The following TMEM200A variants were observed in gnomAD, a reference collection of about 807,000 sequenced individuals.
The protein encoded by TMEM200A is transmembrane protein 200A.
TMEM200A carries 12 observed loss-of-function variants against 24.3 expected under a neutral mutation model. The ratio of observed to expected loss-of-function variants is 0.49; its 90% confidence interval spans 0.32 to 0.80. The LOEUF (loss-of-function observed/expected upper bound fraction) is 0.80, where lower values mean the gene tolerates loss of function less well. TMEM200A is among the 30% of genes least tolerant of loss of function. The pLI is 0.04. For synonymous variants in TMEM200A, 224 were observed against 224.4 expected (o/e 1.00, Z 0.02); for missense variants, 545 against 614.4 (o/e 0.89, Z 1.19).
intron 1 of TMEM200A, among the ~76,000 whole-genome samples, chr6:130,370,225 A>G (rs779800180): frequency 6.6e-5 from 10 of 152,178 alleles, no homozygotes; most frequent in African/African-American, 1.4e-4. Context: ...CTTTTCATCT[A>G]TGAGAAAAAG....
intron 1 of TMEM200A, among the ~76,000 whole-genome samples, chr6:130,378,081 G>A (rs1319661704): frequency 3.9e-5 from 6 of 152,162 alleles, no homozygotes; most frequent in African/African-American, 1.4e-4. Context: ...AGTAGCATTA[G>A]CATAGAGGCC....
rs182088199 is a variant in TMEM200A at position 130,440,459 on chromosome 6, G to A, written c.37G>A (p.Ala13Thr). 50 of 1,601,152 alleles carry A rather than the reference G, an allele frequency of 3.1e-5. No homozygotes were observed. Among genetic ancestry groups the A allele is most frequent in the African/African-American group, 2.7e-5 (2 of 74,276 alleles). The change falls in exon 3 of 3, where the codon GCC becomes ACC. Residue 13 changes from alanine to threonine, a missense_variant. Ala to Thr is a moderately conservative substitution (Grantham distance 58). Transcript: ENST00000296978. ...ATGGVITGLAALKRQDSARSQ... is the reference protein window; with the variant it reads ...ATGGVITGLATLKRQDSARSQ... ...TGGTGGAGTGATAACTGGCCTGGCC[G>A]CCTTGAAAAGGCAAGACTCTGCCAG...
chr6:130,381,178 T>A (rs909073283), intron 1 of TMEM200A, among the ~76,000 whole-genome samples: 1 of 152,154 alleles, frequency 6.6e-6, no homozygotes, highest in Non-Finnish European at 1.5e-5. Flanking sequence ...ATAAGAAGCC[T>A]CCAGTCAGTC....
rs745490741 is a variant in TMEM200A at position 130,366,388 on chromosome 6, C to G, written c.-217C>G. 243 of 985,270 alleles carry G rather than the reference C, an allele frequency of 2.5e-4. No individual in the cohort carries two copies. Among genetic ancestry groups the G allele is most frequent in the Non-Finnish European group, 2.4e-4 (201 of 830,066 alleles). The allele number at this position is 985,270 out of a possible 1,614,324, so 61.0% of individuals were successfully genotyped here. ...GCGGCTGCCCGCGGCGGCCGAGATTCCCGCTGACGCCCCCGACCCTGCCGC... is the reference window on the plus strand; with the variant it reads ...GCGGCTGCCCGCGGCGGCCGAGATTGCCGCTGACGCCCCCGACCCTGCCGC... On this transcript the variant is annotated 5_prime_UTR_variant, in exon 1 of 3. Transcript: ENST00000296978. The surrounding 1 kb of genome is among the most constrained non-coding windows in gnomAD (Gnocchi z 4.4).
intron 2 of TMEM200A, among the ~76,000 whole-genome samples, chr6:130,426,104 G>T (rs964330577): frequency 6.6e-6 from 1 of 152,240 alleles, no homozygotes; most frequent in Admixed American, 6.5e-5. Context: ...TAAGCCCCAG[G>T]GATTGTAATG....
chr6:130,416,223 A>G (rs1162767998), intron 2 of TMEM200A, among the ~76,000 whole-genome samples: 3 of 152,132 alleles, frequency 2.0e-5, no homozygotes, highest in Non-Finnish European at 2.9e-5. Flanking sequence ...CAGAGATTGT[A>G]TTTCACTAAG....
intron 1 of TMEM200A, among the ~76,000 whole-genome samples, chr6:130,376,456 T>C (rs1198798246): frequency 6.6e-6 from 1 of 152,098 alleles, no homozygotes. Flanking sequence ...CTAATTTTTG[T>C]ATTTTTAGTA....
At chr6:130,401,873 CT>C (rs1319434971) in intron 2 of TMEM200A, among the ~76,000 whole-genome samples, 2 of 151,570 alleles carry the variant, frequency 1.3e-5, no homozygotes, top group Non-Finnish European at 3.0e-5. Context: ...CAGTTTTTCT[CT>C]TTTGTAAATT....
At chr6:130,439,763 C>T (rs1780106961) in intron 2 of TMEM200A, among the ~76,000 whole-genome samples, 1 of 151,940 alleles carries the variant, frequency 6.6e-6, no homozygotes, top group African/African-American at 2.4e-5. Flanking sequence ...TCATAAAAGA[C>T]TGGGGAAGAG....
chr6:130,403,058 T>C (rs1479445442), intron 2 of TMEM200A, among the ~76,000 whole-genome samples: 1 of 152,132 alleles, frequency 6.6e-6, no homozygotes, highest in Non-Finnish European at 1.5e-5. Flanking sequence ...CATCCCTGGC[T>C]GTCCTGCTTC....
intron 2 of TMEM200A, among the ~76,000 whole-genome samples, chr6:130,427,848 C>CTTCTGTGAATCAACTATCAAAG (rs1318656609): frequency 1.3e-5 from 2 of 150,418 alleles, no homozygotes; most frequent in Non-Finnish European, 3.0e-5. Context: ...CTGTTTTTTT[C>CTTCTGTGAATCAACTATCAAAG]TTCTGTGAAT....
At chr6:130,402,669 A>T (rs1779116652) in intron 2 of TMEM200A, among the ~76,000 whole-genome samples, 1 of 152,110 alleles carries the variant, frequency 6.6e-6, no homozygotes, top group Non-Finnish European at 1.5e-5. Flanking sequence ...AGAAGAATAT[A>T]ATGTGTGCAG....
chr6:130,373,093 A>G (rs1279483126), intron 1 of TMEM200A, among the ~76,000 whole-genome samples: 1 of 152,204 alleles, frequency 6.6e-6, no homozygotes, highest in Non-Finnish European at 1.5e-5. Flanking sequence ...TTGAGAATCA[A>G]CATCTTTGGG....
At position 130,376,718 on chromosome 6, in the gene TMEM200A, G is replaced by A. The variant is rs181993691; in HGVS notation, c.-80-8455G>A. On this transcript the variant is annotated intron_variant, in intron 1 of 2. Transcript: ENST00000296978. ...TTCAAAATGCTAAAATTGAAATATT[G>A]AAAAATAAAAAATACACAAGTATAA... Among the ~76,000 whole-genome samples, 41 of 152,054 alleles carry A rather than the reference G, an allele frequency of 2.7e-4. 1 individual carries two copies. The highest frequency in any genetic ancestry group is 1.9e-4 in the Non-Finnish European group (13 of 67,980).
chr6:130,418,461 G>T (rs1228434193), intron 2 of TMEM200A, among the ~76,000 whole-genome samples: 3 of 152,162 alleles, frequency 2.0e-5, no homozygotes, highest in African/African-American at 7.2e-5. Flanking sequence ...CTAATTCTTA[G>T]ATGTATGATT....
chr6:130,386,413 C>G (rs996307126), intron 2 of TMEM200A, among the ~76,000 whole-genome samples: 1 of 152,096 alleles, frequency 6.6e-6, no homozygotes, highest in Non-Finnish European at 1.5e-5. Context: ...AAAGATGCAC[C>G]TTTTATAAGC....
At chr6:130,430,917 A>G (rs1438423145) in intron 2 of TMEM200A, among the ~76,000 whole-genome samples, 1 of 152,248 alleles carries the variant, frequency 6.6e-6, no homozygotes, top group Admixed American at 6.5e-5. Context: ...AAACTTCTTA[A>G]GAAATTTAAT....
chr6:130,375,982 T>C (rs922160134), intron 1 of TMEM200A, among the ~76,000 whole-genome samples: 56 of 145,086 alleles, frequency 3.9e-4, no homozygotes, highest in African/African-American at 1.4e-3. Flanking sequence ...TTAATATAAA[T>C]ATAACGTAAA....
At chr6:130,378,714 C>G (rs886752789) in intron 1 of TMEM200A, among the ~76,000 whole-genome samples, 1 of 139,992 alleles carries the variant, frequency 7.1e-6, no homozygotes, top group Non-Finnish European at 1.5e-5. Flanking sequence ...CAGAGTGAGA[C>G]TCCGTCTCAA....
Sources: allele counts gnomAD v4.1 joint callset (sites outside exome capture counted in the v4.1 genomes callset), GRCh38; gene constraint gnomAD v4.1.1; non-coding constraint Gnocchi (gnomAD v3.1); transcripts MANE v1.5; gene names NCBI Gene and HGNC (gene_info 2026-07-23, HGNC 2026-07-21).